The following ERC1 variants were observed in gnomAD, a reference collection of about 807,000 sequenced individuals.
ERC1 encodes RAB6 interacting protein 2.
In ERC1, 56 loss-of-function variants were observed where a neutral mutation model predicts 132.0. The observed-to-expected ratio is 0.42, with a 90% CI of 0.34 to 0.53. The LOEUF is 0.53. ERC1 is among the 20% of genes least tolerant of loss of function. ERC1 has a pLI of 0.03. For missense variants in ERC1, 1,202 were observed against 1,349.9 expected (o/e 0.89, Z 1.72); for synonymous variants, 478 against 476.1 (o/e 1.00, Z -0.05).
At chr12:1,431,669 A>G (rs2154403866) in intron 17 of ERC1, among the ~76,000 whole-genome samples, 1 of 152,254 alleles carries the variant, frequency 6.6e-6, no homozygotes, top group East Asian at 1.9e-4. Flanking sequence ...TTTTCCATTT[A>G]GCCAATGTTT....
At chr12:1,158,612 T>C (rs1009781915) in intron 8 of ERC1, among the ~76,000 whole-genome samples, 4 of 150,988 alleles carry the variant, frequency 2.6e-5, no homozygotes, top group East Asian at 1.9e-4. Context: ...CTTTTCTTTT[T>C]TTTTTTTTTT....
chr12:1,219,635 C>CTT (rs775838825), intron 12 of ERC1, among the ~76,000 whole-genome samples: 8 of 140,738 alleles, frequency 5.7e-5, no homozygotes, highest in African/African-American at 1.6e-4. Flanking sequence ...ACTGAACTCT[C>CTT]TTTTTTTTTT....
intron 18 of ERC1, among the ~76,000 whole-genome samples, chr12:1,484,318 T>C (rs1252498339): frequency 7.1e-6 from 1 of 140,240 alleles, no homozygotes; most frequent in Admixed American, 6.8e-5. Context: ...AAAAAAAAAA[T>C]TCTTTGTTCC....
At chr12:1,327,145 T>C (rs73036647) in intron 15 of ERC1, among the ~76,000 whole-genome samples, 10 of 152,094 alleles carry the variant, frequency 6.6e-5, no homozygotes, top group Non-Finnish European at 1.0e-4. Flanking sequence ...CATGTCCTAA[T>C]TTACAAATTA....
rs1307078950 is a variant in ERC1, at chr12:1,196,959, CACATATAT to C, written c.2351+6909_2351+6916del. 3.5e-3 allele frequency among the ~76,000 whole-genome samples: 67 copies of C among 19,032 alleles called. 2 individuals are homozygous for C. The highest frequency in any genetic ancestry group is 8.4e-3 in the South Asian group (7 of 830). The allele number at this position is 19,032 out of a possible 152,430, so 12.5% of individuals were successfully genotyped here. A position where few individuals can be genotyped will look rare whatever the true frequency, so the allele number is the denominator to read the frequency against. ...ACACACACACACACACACACACACACACATATATATATATATATTTTTTTTTTTTTTTT... is the reference window on the plus strand; with the variant it reads ...ACACACACACACACACACACACACACATATATATATTTTTTTTTTTTTTTT... On this transcript the variant is annotated intron_variant, in intron 12 of 18. Coordinates refer to ENST00000360905, the MANE Select transcript of ERC1 (RefSeq NM_178040.4).
At chr12:1,440,863 C>T (rs1196716922) in intron 17 of ERC1, among the ~76,000 whole-genome samples, 4 of 151,912 alleles carry the variant, frequency 2.6e-5, no homozygotes, top group African/African-American at 7.2e-5. Context: ...CCAGACTGCT[C>T]TCGAACTCCT....
chr12:1,117,083 T>A (rs1411910310), intron 7 of ERC1, among the ~76,000 whole-genome samples: 2 of 152,238 alleles, frequency 1.3e-5, no homozygotes, highest in East Asian at 3.8e-4. Flanking sequence ...TGTCTTAATA[T>A]AAATATTTTT....
intron 15 of ERC1, among the ~76,000 whole-genome samples, chr12:1,300,349 A>G (rs1050813934): frequency 6.6e-6 from 1 of 152,192 alleles, no homozygotes; most frequent in Non-Finnish European, 1.5e-5. Context: ...TGTAAAACCC[A>G]AAACTATAAA....
At chr12:1,407,193 C>T (rs936181930) in intron 16 of ERC1, among the ~76,000 whole-genome samples, 2 of 152,040 alleles carry the variant, frequency 1.3e-5, no homozygotes, top group African/African-American at 4.8e-5. Context: ...CCTTTTCTGG[C>T]TTAGGGTTGA....
chr12:1,148,472 T>C (rs1950568449), intron 8 of ERC1, among the ~76,000 whole-genome samples: 1 of 152,238 alleles, frequency 6.6e-6, no homozygotes, highest in African/African-American at 2.4e-5. Context: ...TCAGTAATTG[T>C]GCTGTCTTAG....
chr12:1,274,012 C>G (rs913006490), intron 14 of ERC1, among the ~76,000 whole-genome samples: 2 of 152,168 alleles, frequency 1.3e-5, no homozygotes, highest in Non-Finnish European at 2.9e-5. Context: ...AGATCACTTT[C>G]AAGGGATATT....
chr12:1,367,338 G>C (rs1272216419), intron 15 of ERC1, among the ~76,000 whole-genome samples: 1 of 152,128 alleles, frequency 6.6e-6, no homozygotes, highest in Non-Finnish European at 1.5e-5. Flanking sequence ...TATTTTTCCA[G>C]ATGTTTTCAG....
intron 14 of ERC1, among the ~76,000 whole-genome samples, chr12:1,276,843 G>A (rs1420408383): frequency 6.6e-6 from 1 of 152,104 alleles, no homozygotes; most frequent in Non-Finnish European, 1.5e-5. Context: ...AACAATTTAG[G>A]ATTTAATGGT....
intron 15 of ERC1, among the ~76,000 whole-genome samples, chr12:1,292,260 G>T (rs774213825): frequency 1.3e-5 from 2 of 152,198 alleles, no homozygotes; most frequent in Non-Finnish European, 2.9e-5. Context: ...GTTCAGGGAA[G>T]GGGTGGCAGA....
rs80303502 is a variant in ERC1 at position 1,129,306 on chromosome 12, A to G, written c.1570-12314A>G. Reference sequence around the variant, plus strand: ...GGGGCAACAGTGAGACTGCGTCTCCACAAACAACAACAACAACAAAACTAA... The same window carrying G: ...GGGGCAACAGTGAGACTGCGTCTCCGCAAACAACAACAACAACAAAACTAA... On this transcript the variant is annotated intron_variant, in intron 7 of 18. Coordinates refer to ENST00000360905, the MANE Select transcript of ERC1 (RefSeq NM_178040.4). 0.041 allele frequency among the ~76,000 whole-genome samples: 830 copies of G among 20,482 alleles called. 28 individuals carry two copies. In the East Asian group the frequency reaches 0.5, roughly 12 times the overall value. 13.4% of individuals were successfully genotyped at this position (20,482 alleles called of 152,430 possible).
chr12:1,358,710 C>T (rs963099955), intron 15 of ERC1, among the ~76,000 whole-genome samples: 1 of 152,174 alleles, frequency 6.6e-6, no homozygotes, highest in Non-Finnish European at 1.5e-5. Context: ...TTTGTGAGCC[C>T]TTCTTGGGTT....
At chr12:1,325,046 C>G (rs1039503109) in intron 15 of ERC1, among the ~76,000 whole-genome samples, 2 of 151,886 alleles carry the variant, frequency 1.3e-5, no homozygotes, top group Non-Finnish European at 2.9e-5. Flanking sequence ...TAAAAATAAT[C>G]AACTGTTTGT....
rs370519699 is a variant in ERC1, at chr12:1,276,916, GC to G, written c.2620-12935del. The stretch of plus-strand genomic sequence containing the variant: ...TTGAAATGTTTTCTTTGTTGCAATT[GC>G]GTTTCCACTGGATTTGATAAACTAC... On this transcript the variant is annotated intron_variant, in intron 14 of 18. Transcript: ENST00000360905. Among the ~76,000 whole-genome samples the G allele has an allele frequency of 3.1e-3, 471 of 152,214 alleles. 4 individuals are homozygous for G. The highest frequency in any genetic ancestry group is 6.8e-3 in the Middle Eastern group (2 of 294).
At chr12:994,792 T>G (rs1475795414) in intron 1 of ERC1, among the ~76,000 whole-genome samples, 2 of 151,830 alleles carry the variant, frequency 1.3e-5, no homozygotes, top group African/African-American at 4.8e-5. Flanking sequence ...CGAGACCATG[T>G]CTCTACAAAA....
Sources: allele counts gnomAD v4.1 joint callset (sites outside exome capture counted in the v4.1 genomes callset), GRCh38; gene constraint gnomAD v4.1.1; transcripts MANE v1.5; gene names NCBI Gene and HGNC (gene_info 2026-07-23, HGNC 2026-07-21).